The following MAP7D3 variants were observed in gnomAD, a reference collection of about 807,000 sequenced individuals.
The protein encoded by MAP7D3 is MAP7 domain containing 3.
Under a neutral mutation model 62.2 loss-of-function variants are expected in MAP7D3, and 45 were observed. The ratio of observed to expected loss-of-function variants is 0.72; its 90% CI spans 0.57 to 0.93. The LOEUF (loss-of-function observed/expected upper bound fraction) is 0.93, where lower values mean the gene tolerates loss of function less well. Ranked by LOEUF, MAP7D3 falls within the 40% of genes least tolerant of loss-of-function variation. The pLI is 0.00. For missense variants in MAP7D3, 711 were observed against 683.1 expected (o/e 1.04, Z -0.45); for synonymous variants, 288 against 248.8 (o/e 1.16, Z -1.48).
At chrX:136,235,372 C>A (rs2074317419) in intron 7 of MAP7D3, among the ~76,000 whole-genome samples, 1 of 112,185 alleles carries the variant, frequency 8.9e-6, no homozygotes, top group African/African-American at 3.2e-5. Flanking sequence ...GGTGGAAGGT[C>A]TTCTGTAAAG....
chrX:136,230,561 G>A lies in MAP7D3; in HGVS notation c.1574C>T (p.Pro525Leu). The change falls in exon 10 of 19, where the codon CCA becomes CTA. Residue 525 changes from proline (P) to leucine (L), a missense_variant. Pro to Leu is a moderately conservative substitution (Grantham distance 98). Transcript: ENST00000316077. ...TGACTGTTTTGAAATAAGTGGTAATGGTGATGGAGGGCAGTTCTTTTGGAT... is the reference window on the plus strand; with the variant it reads ...TGACTGTTTTGAAATAAGTGGTAATAGTGATGGAGGGCAGTTCTTTTGGAT... ...RQIQKNCPPS[P>L]LPLISKQSPQ... The A allele has an allele frequency of 8.4e-7, 1 of 1,195,716 alleles. No individual in the cohort carries two copies. The highest frequency in any genetic ancestry group is 1.1e-6 in the Non-Finnish European group (1 of 882,558).
intron 1 of MAP7D3, 32 bp from the exon 2 acceptor site, chrX:136,246,373 T>A (rs768807976): frequency 1.6e-4 from 150 of 966,008 alleles, no homozygotes; most frequent in Non-Finnish European, 2.1e-4. Context: ...GGATTAGATG[T>A]TAAGAATACG....
At chrX:136,251,142 G>T in intron 1 of MAP7D3, 147 bp downstream of exon 1, 1 of 432,800 alleles carries the variant, frequency 2.3e-6, no homozygotes, top group Non-Finnish European at 3.7e-6. Flanking sequence ...CACTCCGGCG[G>T]GGGTGAGGGG....
intron 3 of MAP7D3, 48 bp downstream of exon 3, chrX:136,246,017 T>G (rs747649340): frequency 2.2e-6 from 2 of 895,732 alleles, no homozygotes; most frequent in East Asian, 3.1e-5. Flanking sequence ...CACTTTGCAA[T>G]ATATAACACA....
intron 6 of MAP7D3, among the ~76,000 whole-genome samples, chrX:136,238,114 C>A (rs2074350685): frequency 9.0e-6 from 1 of 111,666 alleles, no homozygotes; most frequent in South Asian, 3.7e-4. Context: ...TTTTCTTAAT[C>A]CAGTCTATCA....
intron 8 of MAP7D3, 96 bp from the exon 9 acceptor site, chrX:136,231,062 T>C (rs1258686790): frequency 1.6e-6 from 1 of 617,093 alleles, no homozygotes; most frequent in African/African-American, 2.4e-5. Flanking sequence ...ACATTCTGAA[T>C]AAAACACAAT....
intron 4 of MAP7D3, among the ~76,000 whole-genome samples, chrX:136,243,901 CAA>C (rs1307475610): frequency 9.0e-6 from 1 of 111,018 alleles, no homozygotes; most frequent in Admixed American, 9.6e-5. Context: ...CCCAGTACCA[CAA>C]AAGACAAACT....
upstream of MAP7D3, chrX:136,256,000 A>C: frequency 2.8e-6 from 2 of 714,729 alleles, no homozygotes; most frequent in Non-Finnish European, 3.3e-6. Context: ...GCGAATTTGC[A>C]TGCAAACTGC....
intron 2 of MAP7D3, 22 bp from the exon 3 acceptor site, chrX:136,246,170 T>TA (rs997771602): frequency 9.0e-7 from 1 of 1,114,509 alleles, no homozygotes; most frequent in Non-Finnish European, 1.2e-6. Context: ...AGAATATAGT[T>TA]AGATATTAAT....
At chrX:136,253,006 G>C (rs867044593), upstream of MAP7D3, among the ~76,000 whole-genome samples, 3 of 110,907 alleles carry the variant, frequency 2.7e-5, no homozygotes, top group African/African-American at 9.8e-5. Context: ...GCTGAGGCAG[G>C]AGAATCGCTT....
At chrX:136,236,920 T>C (rs1004498753) in intron 6 of MAP7D3, among the ~76,000 whole-genome samples, 25 of 112,557 alleles carry the variant, frequency 2.2e-4, no homozygotes, top group Admixed American at 3.8e-4. Context: ...AAGTTATTGA[T>C]AGCTGTAGCA....
intron 1 of MAP7D3, among the ~76,000 whole-genome samples, chrX:136,249,060 T>C (rs995221099): frequency 4.5e-5 from 5 of 112,028 alleles, no homozygotes; most frequent in African/African-American, 9.7e-5. Context: ...AGATAGCATG[T>C]CTTGAAGACA....
chrX:136,246,418 A>G lies in MAP7D3; in HGVS notation c.71-77T>C, dbSNP rs2074449779. 5.0e-6 allele frequency: 3 copies of G among 598,703 alleles called. No homozygotes were observed. In the East Asian group the frequency reaches 1.1e-4, roughly 21 times the overall value. The allele number at this position is 598,703 out of a possible 1,213,427, so 49.3% of individuals were successfully genotyped here. A position where few individuals can be genotyped will look rare whatever the true frequency, so the allele number is the denominator to read the frequency against. ...CACAGGAGTCAGCAAACCACGGCCAATTGTATTTGATGATAAAGGATAGGA... is the reference window on the plus strand; with the variant it reads ...CACAGGAGTCAGCAAACCACGGCCAGTTGTATTTGATGATAAAGGATAGGA... On this transcript the variant is annotated intron_variant, in intron 1 of 18. Coordinates refer to ENST00000316077, the MANE Select transcript of MAP7D3 (RefSeq NM_024597.4).
intron 3 of MAP7D3, 46 bp from the exon 4 acceptor site, chrX:136,244,841 T>A: frequency 9.7e-7 from 1 of 1,026,306 alleles, no homozygotes; most frequent in Non-Finnish European, 1.3e-6. Flanking sequence ...GCCAAGAAAA[T>A]ATTTAGGTTT....
chrX:136,244,309 T>C (rs1233127753), intron 4 of MAP7D3, among the ~76,000 whole-genome samples: 1 of 111,412 alleles, frequency 9.0e-6, no homozygotes, highest in African/African-American at 3.3e-5. Flanking sequence ...CAGTGAATAC[T>C]TTTTGGTAGT....
In MAP7D3 at chrX:136,220,880, G is replaced by C; in HGVS notation, c.2371C>G (p.Leu791Val). ...CGGACCTGGCTGGTACCATCTTCTA[G>C]AAATACCAGCTTGTGTGTCATTTTC... ...AKKMTHKLVF[L>V]EDGTSQVRKE... Residue 791 changes from leucine (L) to valine (V), a missense_variant, in exon 16 of 19, where the codon CTA becomes GTA. Coordinates refer to ENST00000316077, the MANE Select transcript of MAP7D3 (RefSeq NM_024597.4). The C allele has an allele frequency of 8.3e-7, 1 of 1,203,917 alleles. No homozygotes were observed. The highest frequency in any genetic ancestry group is 1.1e-6 in the Non-Finnish European group (1 of 888,330).
Position 136,220,874 on chromosome X carries a change from C to T in MAP7D3, c.2377G>A (p.Asp793Asn), listed in dbSNP as rs1190934700. Residue 793 changes from aspartate to asparagine, a missense_variant, in exon 16 of 19, where the codon GAT (aspartate) becomes AAT (asparagine). By Grantham distance (23) the Asp-to-Asn change is conservative. Coordinates refer to ENST00000316077, the MANE Select transcript of MAP7D3 (RefSeq NM_024597.4). ...TCTTTACGGACCTGGCTGGTACCAT[C>T]TTCTAGAAATACCAGCTTGTGTGTC... ...KMTHKLVFLE[D>N]GTSQVRKEPK... is the part of the protein sequence containing the mutation. The T allele has an allele frequency of 2.7e-5, 33 of 1,202,631 alleles. No homozygotes were observed. In the East Asian group the frequency reaches 9.8e-4, roughly 36 times the overall value.
chrX:136,220,973 A>G lies in MAP7D3; in HGVS notation c.2288-10T>C. The G allele has an allele frequency of 8.9e-7, 1 of 1,117,590 alleles. No individual in the cohort carries two copies. The highest frequency in any genetic ancestry group is 1.8e-5 in the South Asian group (1 of 54,061). 92.1% of individuals were successfully genotyped at this position (1,117,590 alleles called of 1,213,427 possible). A position where few individuals can be genotyped will look rare whatever the true frequency, so the allele number is the denominator to read the frequency against. ...GTGCCATTTAGAATGGCTAGGAAAAAAAATTACACAATTAAATATGGAGTT... is the reference window on the plus strand; with the variant it reads ...GTGCCATTTAGAATGGCTAGGAAAAGAAATTACACAATTAAATATGGAGTT... On this transcript the variant is annotated splice_polypyrimidine_tract_variant and intron_variant, in intron 15 of 18. Coordinates refer to ENST00000316077, the MANE Select transcript of MAP7D3 (RefSeq NM_024597.4).
intron 17 of MAP7D3, 26 bp from the exon 18 acceptor site, chrX:136,219,521 A>G: frequency 8.4e-7 from 1 of 1,186,578 alleles, no homozygotes; most frequent in Non-Finnish European, 1.1e-6. Context: ...TGTGACAAAG[A>G]TAGTTCTGTG....
Sources: allele counts gnomAD v4.1 joint callset (sites outside exome capture counted in the v4.1 genomes callset), GRCh38; gene constraint gnomAD v4.1.1; transcripts MANE v1.5; gene names NCBI Gene and HGNC (gene_info 2026-07-23, HGNC 2026-07-21).